The following CDYL variants were observed in gnomAD, a reference collection of about 807,000 sequenced individuals.
CDYL encodes chromodomain Y-like protein.
Under a neutral mutation model 47.3 loss-of-function variants are expected in CDYL, and 8 were observed. The observed-to-expected ratio is 0.17, with a 90% CI of 0.10 to 0.31. The LOEUF (loss-of-function observed/expected upper bound fraction) is 0.31. Among genes scored for constraint, CDYL ranks in the 10% least tolerant of loss-of-function variants. The pLI is 1.00. For synonymous variants in CDYL, 266 were observed against 265.0 expected (o/e 1.00, Z -0.04); for missense variants, 471 against 701.4 (o/e 0.67, Z 3.71).
At chr6:4,904,579 C>T (rs1405610623) in intron 2 of CDYL, among the ~76,000 whole-genome samples, 3 of 152,226 alleles carry the variant, frequency 2.0e-5, no homozygotes, top group Non-Finnish European at 4.4e-5. Flanking sequence ...TTTATGATAA[C>T]ATCTGGTCTG....
At position 4,776,497 on chromosome 6, in the gene CDYL, C is replaced by T. The variant is rs1758453003; in HGVS notation, c.-287C>T. On this transcript the variant is annotated 5_prime_UTR_variant, in exon 1 of 7. Coordinates refer to ENST00000397588, the MANE Select transcript of CDYL (RefSeq NM_004824.4). The stretch of plus-strand genomic sequence containing the variant: ...CGCCGCCGCGCCCGCCCCAGCCCGC[C>T]CGGCCCCGCGGCGGGGCGCGATGAG... 1 of 142,566 alleles carries T rather than the reference C, an allele frequency of 7.0e-6. No individual in the cohort carries two copies. Among genetic ancestry groups the T allele is most frequent in the Non-Finnish European group, 1.6e-5 (1 of 64,362 alleles). 8.8% of individuals were successfully genotyped at this position (142,566 alleles called of 1,614,324 possible). A position where few individuals can be genotyped will look rare whatever the true frequency, so the allele number is the denominator to read the frequency against.
chr6:4,827,430 C>G (rs1490201347), intron 1 of CDYL, among the ~76,000 whole-genome samples: 5 of 152,100 alleles, frequency 3.3e-5, no homozygotes. Flanking sequence ...ATTCCCTTCT[C>G]ATTTCCTTTT....
chr6:4,718,800 T>C (rs1329762040), intron 2 of CDYL, among the ~76,000 whole-genome samples: 1 of 152,248 alleles, frequency 6.6e-6, no homozygotes, highest in Non-Finnish European at 1.5e-5. Context: ...TTATGTATCA[T>C]GGCCTTTTTT....
chr6:4,723,423 G>C (rs192007719), intron 2 of CDYL, among the ~76,000 whole-genome samples: 2 of 152,174 alleles, frequency 1.3e-5, no homozygotes, highest in Non-Finnish European at 1.5e-5. Flanking sequence ...AGCCAAACTG[G>C]GCGATCTGAC....
At chr6:4,715,113 T>C (rs192351471) in intron 1 of CDYL, among the ~76,000 whole-genome samples, 32 of 152,294 alleles carry the variant, frequency 2.1e-4, no homozygotes, top group African/African-American at 7.2e-4. Context: ...ACTCTGAAAA[T>C]GCATCGTGCT....
At chr6:4,933,147 T>G (rs147998265) in intron 2 of CDYL, among the ~76,000 whole-genome samples, 44 of 152,306 alleles carry the variant, frequency 2.9e-4, no homozygotes, top group African/African-American at 9.9e-4. Flanking sequence ...CCCCAGCACT[T>G]CCCAGCTGGC....
At chr6:4,798,647 TTTC>T (rs1413429092) in intron 1 of CDYL, among the ~76,000 whole-genome samples, 1 of 152,206 alleles carries the variant, frequency 6.6e-6, no homozygotes, top group African/African-American at 2.4e-5. Context: ...AGTCTATAAT[TTTC>T]TTATTTCACA....
intron 3 of CDYL, among the ~76,000 whole-genome samples, chr6:4,765,322 CAAA>C (rs921005233): frequency 7.5e-6 from 1 of 133,834 alleles, no homozygotes. Context: ...GACTTCGTCT[CAAA>C]AAAAAAAAGA....
chr6:4,827,885 C>G (rs1760023111), intron 1 of CDYL, among the ~76,000 whole-genome samples: 1 of 152,190 alleles, frequency 6.6e-6, no homozygotes, highest in South Asian at 2.1e-4. Context: ...AAACTCCTGA[C>G]CTTAAGTGAT....
chr6:4,736,694 C>G (rs1305980843), intron 3 of CDYL, among the ~76,000 whole-genome samples: 1 of 151,194 alleles, frequency 6.6e-6, no homozygotes, highest in Non-Finnish European at 1.5e-5. Context: ...TTATTAGCAA[C>G]TTAGCTTTTT....
intron 1 of CDYL, among the ~76,000 whole-genome samples, chr6:4,710,049 T>G (rs576715114): frequency 6.6e-6 from 1 of 152,172 alleles, no homozygotes; most frequent in East Asian, 1.9e-4. Context: ...AGTGAAACCC[T>G]GTCTCTGCTA....
chr6:4,791,268 A>G (rs1208540821), intron 1 of CDYL, among the ~76,000 whole-genome samples: 1 of 152,226 alleles, frequency 6.6e-6, no homozygotes, highest in African/African-American at 2.4e-5. Flanking sequence ...TTTGAGAATC[A>G]GTGAGGTGGA....
chr6:4,728,178 T>C (rs1253247637), intron 2 of CDYL, among the ~76,000 whole-genome samples: 1 of 152,250 alleles, frequency 6.6e-6, no homozygotes, highest in Non-Finnish European at 1.5e-5. Flanking sequence ...GGACTGTTAC[T>C]TCTTTTATCT....
At chr6:4,884,516 T>C (rs1338032930) in intron 1 of CDYL, among the ~76,000 whole-genome samples, 1 of 152,222 alleles carries the variant, frequency 6.6e-6, no homozygotes, top group Admixed American at 6.5e-5. Flanking sequence ...GGAGTGGGTC[T>C]TGTTGGGAGA....
intron 3 of CDYL, among the ~76,000 whole-genome samples, chr6:4,753,216 T>A (rs1758025443): frequency 6.6e-6 from 1 of 152,088 alleles, no homozygotes; most frequent in Admixed American, 6.5e-5. Flanking sequence ...TGGCCTAATA[T>A]GTGTATTTTT....
At chr6:4,880,391 T>C (rs1761732530) in intron 1 of CDYL, among the ~76,000 whole-genome samples, 1 of 152,232 alleles carries the variant, frequency 6.6e-6, no homozygotes, top group South Asian at 2.1e-4. Context: ...AATAGTATTT[T>C]ATTGTCTGGG....
chr6:4,903,025 A>G (rs1431148717), intron 2 of CDYL, among the ~76,000 whole-genome samples: 1 of 152,104 alleles, frequency 6.6e-6, no homozygotes, highest in African/African-American at 2.4e-5. Context: ...CTTCATTAAC[A>G]TTTGCGTGTA....
intron 2 of CDYL, among the ~76,000 whole-genome samples, chr6:4,718,181 A>G (rs960680544): frequency 2.3e-4 from 35 of 152,100 alleles, no homozygotes; most frequent in Non-Finnish European, 5.9e-5. Flanking sequence ...GCAATAACAG[A>G]TTATGTATTA....
chr6:4,861,799 TC>T (rs1452611766), intron 1 of CDYL, among the ~76,000 whole-genome samples: 1 of 152,190 alleles, frequency 6.6e-6, no homozygotes, highest in Non-Finnish European at 1.5e-5. Context: ...CAGAGTGACT[TC>T]CTGCTTGTTG....
Sources: gnomAD v4.1 joint callset for allele counts (sites outside exome capture counted in the v4.1 genomes callset) on GRCh38, gnomAD v4.1.1 for gene constraint, MANE v1.5 for transcripts, NCBI Gene and HGNC (gene_info 2026-07-23, HGNC 2026-07-21) for gene names.